Variants in PARD3 observed in about 807,000 individuals in gnomAD.
The protein encoded by PARD3 is par-3 family cell polarity regulator.
PARD3 carries 75 observed loss-of-function variants against 155.4 expected under a neutral mutation model. The ratio of observed to expected loss-of-function variants is 0.48; its 90% confidence interval spans 0.40 to 0.58. The LOEUF (loss-of-function observed/expected upper bound fraction) is 0.58. Ranked by LOEUF, PARD3 falls within the 20% of genes least tolerant of loss-of-function variation. The probability of loss-of-function intolerance (pLI) is 0.00; values close to 1 mark genes in which losing one functional copy is unlikely to be tolerated. For missense variants in PARD3, 1,642 were observed against 1,721.7 expected, an observed-to-expected ratio of 0.95 and a Z score of 0.82; for synonymous variants, 576 against 610.5, an observed-to-expected ratio of 0.94 and a Z score of 0.83.
chr10:34,134,988 C>T (rs1397538100), intron 22 of PARD3, among the ~76,000 whole-genome samples: 2 of 152,170 alleles, frequency 1.3e-5, no homozygotes, highest in African/African-American at 4.8e-5. Flanking sequence ...GCAATAGTGA[C>T]TCATCCCTAC....
chr10:34,470,289 A>G, intron 3 of PARD3, 26 bp from the exon 4 acceptor site: 1 of 1,511,250 alleles, frequency 6.6e-7, no homozygotes, highest in African/African-American at 1.4e-5. Context: ...CACTATGCTG[A>G]AAAATAAGAT....
Position 34,170,778 on chromosome 10 carries a change from C to A in PARD3, c.3420-39195G>T, listed in dbSNP as rs185240013. Among the ~76,000 whole-genome samples the A allele has an allele frequency of 3.4e-4, 52 of 152,300 alleles. No homozygotes were observed. In the East Asian group the frequency reaches 8.9e-3, roughly 26 times the overall value. On this transcript the variant is annotated intron_variant, in intron 22 of 24. Coordinates refer to ENST00000374788, the MANE Select transcript of PARD3 (RefSeq NM_001184785.2). ...AAGCCTACAGCAAGAGGGAAACTGGCAAAAACACCATCTAGACTAGTTCTA... is the reference window on the plus strand; with the variant it reads ...AAGCCTACAGCAAGAGGGAAACTGGAAAAAACACCATCTAGACTAGTTCTA...
At chr10:34,257,415 T>C (rs1412031885) in intron 22 of PARD3, among the ~76,000 whole-genome samples, 1 of 152,160 alleles carries the variant, frequency 6.6e-6, no homozygotes, top group Non-Finnish European at 1.5e-5. Flanking sequence ...AGTGATTAGG[T>C]CAAAATAAAA....
chr10:34,283,859 GTTTA>G (rs1424817941), intron 21 of PARD3, among the ~76,000 whole-genome samples: 1 of 151,002 alleles, frequency 6.6e-6, no homozygotes, highest in African/African-American at 2.4e-5. Context: ...CAGTATTAAT[GTTTA>G]TTTATTCATC....
intron 22 of PARD3, among the ~76,000 whole-genome samples, chr10:34,156,578 T>C (rs1000490513): frequency 6.6e-6 from 1 of 152,160 alleles, no homozygotes; most frequent in Non-Finnish European, 1.5e-5. Flanking sequence ...AAAGGGTTTG[T>C]TTGCAAGTGC....
At chr10:34,487,285 C>T (rs1479107020) in intron 3 of PARD3, among the ~76,000 whole-genome samples, 1 of 152,066 alleles carries the variant, frequency 6.6e-6, no homozygotes, top group Non-Finnish European at 1.5e-5. Flanking sequence ...TGCTTGACTT[C>T]ACTTAGATCT....
intron 5 of PARD3, among the ~76,000 whole-genome samples, chr10:34,409,859 C>A (rs567288122): frequency 1.9e-4 from 29 of 152,024 alleles, no homozygotes; most frequent in Non-Finnish European, 3.8e-4. Context: ...TAAACAAATA[C>A]AATAATTTAA....
chr10:34,178,299 G>A (rs576441712), intron 22 of PARD3, among the ~76,000 whole-genome samples: 35 of 152,226 alleles, frequency 2.3e-4, no homozygotes, highest in South Asian at 4.1e-4. Flanking sequence ...TTCAGCAAGC[G>A]GAAACCCTAA....
chr10:34,238,849 A>G lies in PARD3; in HGVS notation c.3419+30808T>C, dbSNP rs536204575. ...GTCAACCTGATTAAAAATAAGCAGC[A>G]TTTTTTCCAGCTCTTAATAACTGCA... On this transcript the variant is annotated intron_variant, in intron 22 of 24. Coordinates refer to ENST00000374788, the MANE Select transcript of PARD3 (RefSeq NM_001184785.2). 7.4e-4 allele frequency among the ~76,000 whole-genome samples: 113 copies of G among 152,322 alleles called. 1 individual carries two copies. Among genetic ancestry groups the G allele is most frequent in the African/African-American group, 2.5e-3 (104 of 41,572 alleles).
At chr10:34,465,537 A>G (rs1219239061) in intron 4 of PARD3, among the ~76,000 whole-genome samples, 3 of 152,272 alleles carry the variant, frequency 2.0e-5, no homozygotes, top group African/African-American at 7.2e-5. Context: ...GAAATAATAA[A>G]CCCAAGGGGT....
rs536050174 is a variant in PARD3 at position 34,669,603 on chromosome 10, T to TA, written c.222+26714dup. 3.1e-3 allele frequency among the ~76,000 whole-genome samples: 469 copies of TA among 150,382 alleles called. 3 individuals are homozygous for TA. The highest frequency in any genetic ancestry group is 5.6e-3 in the African/African-American group (228 of 41,012). ...TACGTTTACACAATTTTAAAAACAT[T>TA]AAAAAAAAACAGAAAAAATTACCTT... On this transcript the variant is annotated intron_variant, in intron 2 of 24. Coordinates refer to ENST00000374788, the MANE Select transcript of PARD3 (RefSeq NM_001184785.2).
At chr10:34,438,121 A>G (rs968942424) in intron 5 of PARD3, among the ~76,000 whole-genome samples, 1 of 152,204 alleles carries the variant, frequency 6.6e-6, no homozygotes, top group Non-Finnish European at 1.5e-5. Flanking sequence ...CACTGGATAC[A>G]GGCCAGCGGG....
At chr10:34,625,996 C>T (rs2091963305) in intron 2 of PARD3, among the ~76,000 whole-genome samples, 1 of 152,178 alleles carries the variant, frequency 6.6e-6, no homozygotes, top group Non-Finnish European at 1.5e-5. Flanking sequence ...AAAAGAGATG[C>T]CGAGACCTTG....
chr10:34,780,630 T>C (rs1382741635), intron 1 of PARD3, among the ~76,000 whole-genome samples: 1 of 152,192 alleles, frequency 6.6e-6, no homozygotes, highest in African/African-American at 2.4e-5. Flanking sequence ...AGAAATGTAG[T>C]CTTTGGTCTC....
intron 2 of PARD3, among the ~76,000 whole-genome samples, chr10:34,608,664 A>C: frequency 6.6e-6 from 1 of 151,048 alleles, no homozygotes; most frequent in Admixed American, 6.6e-5. Flanking sequence ...CCTCCCGAGT[A>C]GCTGGGATTA....
Position 34,684,506 on chromosome 10 carries a change from C to G in PARD3, c.222+11812G>C, listed in dbSNP as rs116318748. ...CATCCCTAGTCTGGCAACCTCGCAG[C>G]AGTCCCTACCTTGGTGAATGCCCCA... On this transcript the variant is annotated intron_variant, in intron 2 of 24. Transcript: ENST00000374788. Among the ~76,000 whole-genome samples the G allele has an allele frequency of 8.6e-3, 1,312 of 152,220 alleles. 17 individuals are homozygous for G. Among genetic ancestry groups the G allele is most frequent in the African/African-American group, 0.03 (1,250 of 41,526 alleles).
chr10:34,353,313 T>G (rs1163472969), intron 14 of PARD3, among the ~76,000 whole-genome samples: 12 of 152,156 alleles, frequency 7.9e-5, no homozygotes, highest in Non-Finnish European at 1.6e-4. Context: ...AGATCAGATT[T>G]TTACTGTGTC....
intron 2 of PARD3, among the ~76,000 whole-genome samples, chr10:34,605,356 G>A (rs1338311113): frequency 6.7e-6 from 1 of 148,856 alleles, no homozygotes; most frequent in Non-Finnish European, 1.5e-5. Context: ...ACCACGCCTG[G>A]CTAATTTTTT....
intron 23 of PARD3, among the ~76,000 whole-genome samples, chr10:34,126,218 G>A (rs1947282778): frequency 6.6e-6 from 1 of 152,146 alleles, no homozygotes; most frequent in Non-Finnish European, 1.5e-5. Flanking sequence ...AAGACCTTTT[G>A]TGCCACAAAT....
Sources: allele counts gnomAD v4.1 joint callset (sites outside exome capture counted in the v4.1 genomes callset), GRCh38; gene constraint gnomAD v4.1.1; transcripts MANE v1.5; gene names NCBI Gene and HGNC (gene_info 2026-07-23, HGNC 2026-07-21).